RASA3: variants seen among roughly 807,000 people sequenced by gnomAD.
RASA3 encodes ras GTPase-activating protein 3.
In RASA3, 73 loss-of-function variants were observed where a neutral mutation model predicts 110.0. The observed-to-expected ratio is 0.66, with a 90% CI of 0.55 to 0.81. The LOEUF (loss-of-function observed/expected upper bound fraction) is 0.81, where lower values mean the gene tolerates loss of function less well. Ranked by LOEUF, RASA3 falls within the 30% of genes least tolerant of loss-of-function variation. The pLI, the probability that RASA3 is intolerant of heterozygous loss-of-function variation, is 0.00. For missense variants in RASA3, 976 were observed against 1,113.2 expected, an observed-to-expected ratio of 0.88 and a Z score of 1.75; for synonymous variants, 500 against 451.4, an observed-to-expected ratio of 1.11 and a Z score of -1.37.
intron 1 of RASA3, among the ~76,000 whole-genome samples, chr13:114,079,918 G>A (rs1360620282): frequency 1.3e-5 from 2 of 151,936 alleles, no homozygotes; most frequent in African/African-American, 4.8e-5. Flanking sequence ...AGGAAGAGGC[G>A]GGGGGGCCCC....
intron 20 of RASA3, among the ~76,000 whole-genome samples, chr13:113,997,163 C>T (rs992147785): frequency 2.6e-5 from 4 of 152,188 alleles, no homozygotes; most frequent in Admixed American, 1.3e-4. Flanking sequence ...CCAGGTGGCC[C>T]GGCCTGCTCA....
chr13:114,024,790 C>T (rs982661727), intron 7 of RASA3, among the ~76,000 whole-genome samples: 10 of 152,356 alleles, frequency 6.6e-5, no homozygotes, highest in Non-Finnish European at 8.8e-5. Flanking sequence ...AAGTGAAACG[C>T]GTGAGGTCTG....
intron 22 of RASA3, 79 bp from the exon 23 acceptor site, chr13:113,981,937 GC>G: frequency 2.2e-6 from 3 of 1,391,086 alleles, no homozygotes; most frequent in South Asian, 1.3e-5. Flanking sequence ...GTCGCTGCAG[GC>G]CCCACCCACA....
intron 16 of RASA3, among the ~76,000 whole-genome samples, 189 bp from the exon 17 acceptor site, chr13:114,009,653 C>T (rs995280181): frequency 2.7e-4 from 41 of 152,268 alleles, no homozygotes; most frequent in Non-Finnish European, 5.9e-5. Flanking sequence ...CGCTCAGGCG[C>T]CAACGAAGAC....
chr13:113,990,456 GA>G (rs964061222), intron 22 of RASA3, among the ~76,000 whole-genome samples: 1 of 152,214 alleles, frequency 6.6e-6, no homozygotes, highest in Admixed American at 6.5e-5. Flanking sequence ...GCATCTTTCA[GA>G]ACCTGGGTCT....
chr13:114,097,471 C>T (rs1027080292), intron 1 of RASA3, among the ~76,000 whole-genome samples: 13 of 152,310 alleles, frequency 8.5e-5, no homozygotes, highest in East Asian at 7.7e-4. Flanking sequence ...AACGTCACAG[C>T]GAAGAGGCAG....
chr13:114,021,031 G>A (rs556515083), intron 9 of RASA3, among the ~76,000 whole-genome samples: 2 of 150,574 alleles, frequency 1.3e-5, no homozygotes, highest in Admixed American at 1.3e-4. Context: ...TCCCACTTTC[G>A]CCCAGGATCA....
intron 21 of RASA3, among the ~76,000 whole-genome samples, chr13:113,995,031 T>C (rs1594286549): frequency 6.6e-6 from 1 of 152,086 alleles, no homozygotes; most frequent in Non-Finnish European, 1.5e-5. Context: ...TGGCTGTGGG[T>C]GTGCGGGATA....
chr13:114,003,768 A>G (rs1343207872), intron 18 of RASA3, among the ~76,000 whole-genome samples: 2 of 152,266 alleles, frequency 1.3e-5, no homozygotes, highest in African/African-American at 2.4e-5. Flanking sequence ...TTTTCTACCT[A>G]TTTAAAAAAG....
rs965772731 is a variant in RASA3 at position 114,014,513 on chromosome 13, G to A, written c.1405+696C>T. ...GGCCACAGGACACGCAAGGAAGAGA[G>A]GAGCCGGCAGCAAGGCCCTCGCTGA... On this transcript the variant is annotated intron_variant, in intron 14 of 23. Transcript: ENST00000334062. The surrounding 1 kb of genome is among the most constrained non-coding windows in gnomAD (Gnocchi z 4.5). Among the ~76,000 whole-genome samples, 1 of 152,188 alleles carries A rather than the reference G, an allele frequency of 6.6e-6. No individual in the cohort carries two copies. Among genetic ancestry groups the A allele is most frequent in the Admixed American group, 6.5e-5 (1 of 15,290 alleles).
Position 114,018,175 on chromosome 13 carries a change from C to G in RASA3, c.1020G>C (p.Arg340=). The change falls in exon 11 of 24, where the codon CGG becomes CGC. Residue 340 remains arginine, a synonymous_variant. Coordinates refer to ENST00000334062, the MANE Select transcript of RASA3 (RefSeq NM_007368.4). The part of the protein sequence containing the change: ...EKQEAAVPLV[R]LFLHYGRVVP... ...CCACCCTGCCATAGTGTAGGAAGAG[C>G]CGCACCAGCGGGACGGCCGCCTCCT... 2.6e-6 allele frequency: 4 copies of G among 1,551,502 alleles called. No homozygotes were observed. The highest frequency in any genetic ancestry group is 3.5e-6 in the Non-Finnish European group (4 of 1,147,542).
At chr13:114,094,822 C>T (rs1329634893) in intron 1 of RASA3, among the ~76,000 whole-genome samples, 1 of 152,208 alleles carries the variant, frequency 6.6e-6, no homozygotes, top group African/African-American at 2.4e-5. Context: ...AGAGCTCACA[C>T]GTTTAGATAT....
At chr13:114,125,569 C>T (rs1218426380) in intron 1 of RASA3, among the ~76,000 whole-genome samples, 1 of 152,188 alleles carries the variant, frequency 6.6e-6, no homozygotes, top group Non-Finnish European at 1.5e-5. Flanking sequence ...TCCCACCAGG[C>T]CCCACTTCCA....
At chr13:114,102,502 G>A (rs1373679041) in intron 1 of RASA3, among the ~76,000 whole-genome samples, 4 of 152,164 alleles carry the variant, frequency 2.6e-5, no homozygotes, top group African/African-American at 7.2e-5. Context: ...TGCGTGGGAC[G>A]GGCAGGAGGT....
intron 2 of RASA3, among the ~76,000 whole-genome samples, chr13:114,070,857 A>G (rs2079559112): frequency 7.1e-6 from 1 of 140,674 alleles, no homozygotes; most frequent in East Asian, 2.2e-4. Context: ...ACGGCGCCAC[A>G]GTTTTACACG....
At chr13:114,077,948 A>G (rs1009494299) in intron 1 of RASA3, 2 of 984,936 alleles carry the variant, frequency 2.0e-6, no homozygotes, top group Non-Finnish European at 2.4e-6. Flanking sequence ...CATCACCTCC[A>G]AGGCACTGGT....
chr13:114,001,027 T>A (rs568421912), intron 18 of RASA3, 95 bp from the exon 19 acceptor site: 2 of 786,666 alleles, frequency 2.5e-6, no homozygotes, highest in South Asian at 1.4e-5. Flanking sequence ...TTCTGAGACC[T>A]GAGGCAGGCA....
chr13:114,055,925 G>C (rs1363063955), intron 2 of RASA3, among the ~76,000 whole-genome samples: 1 of 152,182 alleles, frequency 6.6e-6, no homozygotes, highest in East Asian at 1.9e-4. Flanking sequence ...GTTCACCATG[G>C]AGGAACCTCA....
At chr13:114,054,935 T>C (rs1419477787) in intron 2 of RASA3, among the ~76,000 whole-genome samples, 1 of 152,118 alleles carries the variant, frequency 6.6e-6, no homozygotes, top group Non-Finnish European at 1.5e-5. Flanking sequence ...GGGGTGTGTG[T>C]GCCCACAGGC....
Sources: allele counts gnomAD v4.1 joint callset (sites outside exome capture counted in the v4.1 genomes callset), GRCh38; gene constraint gnomAD v4.1.1; non-coding constraint Gnocchi (gnomAD v3.1); transcripts MANE v1.5; gene names NCBI Gene and HGNC (gene_info 2026-07-23, HGNC 2026-07-21).